Variants in CALN1 observed in about 807,000 individuals in gnomAD.
CALN1 encodes the protein calcium-binding protein 8.
CALN1 carries 17 observed loss-of-function variants against 30.6 expected under a neutral mutation model. The ratio of observed to expected loss-of-function variants is 0.56; its 90% CI spans 0.38 to 0.83. The LOEUF (loss-of-function observed/expected upper bound fraction) is 0.83. CALN1 is among the 40% of genes least tolerant of loss of function. The probability of loss-of-function intolerance (pLI) is 0.00; values close to 1 mark genes in which losing one functional copy is unlikely to be tolerated. For synonymous variants in CALN1, 156 were observed against 131.4 expected (o/e 1.19, Z -1.28); for missense variants, 291 against 354.9 (o/e 0.82, Z 1.45).
At chr7:72,236,587 AT>A (rs1022743391) in intron 3 of CALN1, among the ~76,000 whole-genome samples, 1 of 152,186 alleles carries the variant, frequency 6.6e-6, no homozygotes, top group Non-Finnish European at 1.5e-5. Flanking sequence ...GGGTTGCAGA[AT>A]TTTTTTCCTC....
At chr7:71,947,469 T>G (rs890482731) in intron 5 of CALN1, among the ~76,000 whole-genome samples, 3 of 152,170 alleles carry the variant, frequency 2.0e-5, no homozygotes, top group Non-Finnish European at 4.4e-5. Flanking sequence ...AGATCAGACA[T>G]GGAAGCCAGA....
chr7:71,971,399 G>A (rs1459574660), intron 5 of CALN1, among the ~76,000 whole-genome samples: 1 of 152,188 alleles, frequency 6.6e-6, no homozygotes, highest in Non-Finnish European at 1.5e-5. Flanking sequence ...GAAGTGAGCT[G>A]AGATCGTGCC....
intron 1 of CALN1, among the ~76,000 whole-genome samples, chr7:72,443,823 T>C (rs1808435935): frequency 6.6e-6 from 1 of 151,466 alleles, no homozygotes; most frequent in South Asian, 2.1e-4. Flanking sequence ...TTCACTTTTA[T>C]GATGATGATT....
At chr7:72,502,032 TAAGTA>T in the CALN1 span, among the ~76,000 whole-genome samples, 1 of 144,782 alleles carries the variant, frequency 6.9e-6, no homozygotes, top group South Asian at 2.2e-4. Flanking sequence ...TTAAATGATC[TAAGTA>T]AACGTTAGAA....
At chr7:72,080,703 C>A (rs962842608) in intron 4 of CALN1, among the ~76,000 whole-genome samples, 1 of 152,092 alleles carries the variant, frequency 6.6e-6, no homozygotes, top group Non-Finnish European at 1.5e-5. Context: ...CACACAGACT[C>A]CAGGCAGGAA....
chr7:71,794,155 C>A (rs1786747986), intron 6 of CALN1, among the ~76,000 whole-genome samples: 2 of 152,046 alleles, frequency 1.3e-5, no homozygotes, highest in Admixed American at 1.3e-4. Context: ...AAGTGAAGTT[C>A]AAGGTCATTT....
chr7:71,795,484 A>C (rs1424512775), intron 6 of CALN1, among the ~76,000 whole-genome samples: 1 of 152,208 alleles, frequency 6.6e-6, no homozygotes, highest in Non-Finnish European at 1.5e-5. Flanking sequence ...TAGTTCACAT[A>C]CCATAAAATT....
At chr7:72,183,350 GAA>G (rs1789952186) in intron 3 of CALN1, among the ~76,000 whole-genome samples, 1 of 152,248 alleles carries the variant, frequency 6.6e-6, no homozygotes, top group African/African-American at 2.4e-5. Flanking sequence ...CCAAAAGAGA[GAA>G]AAAGTCAAAA....
chr7:72,271,575 A>AAATATATATATATATAT lies in CALN1; in HGVS notation c.244+7110_244+7111insATATATATATATATATT. Among the ~76,000 whole-genome samples the AAATATATATATATATAT allele has an allele frequency of 5.0e-4, 26 of 52,120 alleles. 1 individual carries two copies. Among genetic ancestry groups the AAATATATATATATATAT allele is most frequent in the Middle Eastern group, 0.012 (1 of 82 alleles). The allele number at this position is 52,120 out of a possible 152,430, so 34.2% of individuals were successfully genotyped here. On this transcript the variant is annotated intron_variant, in intron 3 of 6. Coordinates refer to ENST00000395275, the MANE Select transcript of CALN1 (RefSeq NM_031468.4). ...CTGTGCCTGCCTTTTAAAAAAAAAA[A>AAATATATATATATATAT]ATATATATATATATATATAGTTTTC...
At chr7:72,125,535 T>A (rs988933770) in intron 3 of CALN1, among the ~76,000 whole-genome samples, 19 of 152,116 alleles carry the variant, frequency 1.2e-4, no homozygotes, top group East Asian at 5.8e-4. Context: ...AAATTTTTTT[T>A]AAAAAAATGG....
At chr7:72,177,345 C>T (rs948367822) in intron 3 of CALN1, among the ~76,000 whole-genome samples, 1 of 152,144 alleles carries the variant, frequency 6.6e-6, no homozygotes, top group Admixed American at 6.5e-5. Context: ...TGTCATGACT[C>T]TTAAGCAGGC....
intron 2 of CALN1, among the ~76,000 whole-genome samples, chr7:72,372,459 A>G (rs1373977535): frequency 1.3e-5 from 2 of 152,202 alleles, no homozygotes; most frequent in African/African-American, 2.4e-5. Context: ...GAGTACCAAG[A>G]AAATGGAAAG....
chr7:72,235,066 A>C (rs1794384699), intron 3 of CALN1, among the ~76,000 whole-genome samples: 1 of 152,078 alleles, frequency 6.6e-6, no homozygotes, highest in Non-Finnish European at 1.5e-5. Context: ...GAAGTTCAGA[A>C]GTTTGAGACC....
At chr7:72,278,511 ACAC>A (rs1480714226) in intron 3 of CALN1, among the ~76,000 whole-genome samples, 172 bp downstream of exon 3, 3 of 142,654 alleles carry the variant, frequency 2.1e-5, no homozygotes, top group African/African-American at 8.1e-5. Context: ...ACACACACAC[ACAC>A]GTCACTTGGG....
intron 3 of CALN1, among the ~76,000 whole-genome samples, chr7:72,271,375 A>C (rs2129553470): frequency 6.6e-6 from 1 of 151,826 alleles, no homozygotes. Context: ...ATAGAGGTTT[A>C]GGAATGCATG....
At chr7:71,923,371 A>G (rs186040632) in intron 5 of CALN1, among the ~76,000 whole-genome samples, 4 of 152,334 alleles carry the variant, frequency 2.6e-5, no homozygotes, top group Admixed American at 1.3e-4. Context: ...AGAACTAGCT[A>G]GCTTGAAGGA....
At chr7:71,906,026 A>G (rs373317163) in intron 5 of CALN1, among the ~76,000 whole-genome samples, 136 of 152,284 alleles carry the variant, frequency 8.9e-4, no homozygotes, top group African/African-American at 3.2e-3. Context: ...GAATGAACTC[A>G]CTACCACAAG....
intron 5 of CALN1, among the ~76,000 whole-genome samples, chr7:71,928,448 C>CAAAA (rs60088732): frequency 1.5e-4 from 15 of 99,952 alleles, no homozygotes; most frequent in African/African-American, 5.0e-4. Flanking sequence ...CTTTTAATGG[C>CAAAA]AAAAAAAAAA....
chr7:71,912,741 G>T (rs545996808), intron 5 of CALN1, among the ~76,000 whole-genome samples: 102 of 152,196 alleles, frequency 6.7e-4, no homozygotes, highest in African/African-American at 2.3e-3. Flanking sequence ...CATGGGTTTG[G>T]GGGTTGGGAT....
Sources: gnomAD v4.1 joint callset for allele counts (sites outside exome capture counted in the v4.1 genomes callset) on GRCh38, gnomAD v4.1.1 for gene constraint, MANE v1.5 for transcripts, NCBI Gene and HGNC (gene_info 2026-07-23, HGNC 2026-07-21) for gene names.